Variants in CIMIP3 observed in about 807,000 individuals in gnomAD.
The protein encoded by CIMIP3 is ciliary microtubule inner protein 3.
At chr6:42,156,933 A>C in the CIMIP3 span, among the ~76,000 whole-genome samples, 1 of 152,234 alleles carries the variant, frequency 6.6e-6, no homozygotes, top group East Asian at 1.9e-4. Flanking sequence ...AATAAGGCAC[A>C]AGGCCTTCCC....
At chr6:42,155,505 C>G in the CIMIP3 span, 1 of 716,528 alleles carries the variant, frequency 1.4e-6, no homozygotes, top group East Asian at 2.7e-5. Context: ...AATCACAGGG[C>G]TGGGGAAGGT....
the CIMIP3 span, among the ~76,000 whole-genome samples, chr6:42,158,122 G>A: frequency 1.3e-5 from 2 of 152,166 alleles, no homozygotes; most frequent in African/African-American, 4.8e-5. Context: ...TACACAGTGT[G>A]CGCACACCCA....
At chr6:42,156,278 G>A in the CIMIP3 span, among the ~76,000 whole-genome samples, 2 of 151,064 alleles carry the variant, frequency 1.3e-5, no homozygotes, top group African/African-American at 2.4e-5. Flanking sequence ...TTACAGGCGT[G>A]AGCCACTGTG....
the CIMIP3 span, among the ~76,000 whole-genome samples, chr6:42,157,438 C>T: frequency 2.6e-5 from 4 of 151,962 alleles, no homozygotes; most frequent in African/African-American, 7.3e-5. Context: ...TTAGTAGAGA[C>T]GGGGTTTTGC....
chr6:42,162,495 T>C, the CIMIP3 span, among the ~76,000 whole-genome samples: 1 of 148,494 alleles, frequency 6.7e-6, no homozygotes, highest in Non-Finnish European at 1.5e-5. Context: ...CAGGAAGCCC[T>C]GGTGGAGGGC....
chr6:42,155,684 T>A, the CIMIP3 span: 2 of 713,372 alleles, frequency 2.8e-6, no homozygotes, highest in Non-Finnish European at 5.2e-6. Flanking sequence ...CTGCGATCTC[T>A]CTGGGGAGAT....
the CIMIP3 span, among the ~76,000 whole-genome samples, chr6:42,158,081 C>G: frequency 1.3e-5 from 2 of 151,442 alleles, no homozygotes; most frequent in African/African-American, 2.4e-5. Context: ...AAGAATCACC[C>G]CTGGCTGAGA....
At chr6:42,159,841 T>C in the CIMIP3 span, among the ~76,000 whole-genome samples, 2 of 152,250 alleles carry the variant, frequency 1.3e-5, no homozygotes, top group African/African-American at 4.8e-5. Context: ...CATGTGACCC[T>C]GGACAGGGGA....
chr6:42,163,226 A>G, the CIMIP3 span: 6 of 593,784 alleles, frequency 1.0e-5, 1 homozygote, highest in South Asian at 1.2e-4. Context: ...GCCTCCTGCC[A>G]ACTTGGTCTT....
At chr6:42,159,242 C>A in the CIMIP3 span, among the ~76,000 whole-genome samples, 17 of 152,082 alleles carry the variant, frequency 1.1e-4, no homozygotes, top group African/African-American at 4.1e-4. Context: ...TAGAAGCCAC[C>A]ACTGTAATTC....
At chr6:42,156,586 C>G in the CIMIP3 span, among the ~76,000 whole-genome samples, 1 of 152,216 alleles carries the variant, frequency 6.6e-6, no homozygotes, top group Non-Finnish European at 1.5e-5. Context: ...GAAACGTGCT[C>G]TCCTATAGGT....
the CIMIP3 span, among the ~76,000 whole-genome samples, chr6:42,161,141 T>C: frequency 2.6e-5 from 4 of 152,202 alleles, no homozygotes; most frequent in Non-Finnish European, 4.4e-5. Context: ...TGAGCTGAGA[T>C]TGCATCCTTG....
the CIMIP3 span, chr6:42,155,411 C>T: frequency 9.5e-6 from 6 of 634,322 alleles, no homozygotes; most frequent in South Asian, 1.1e-4. Context: ...CTCTCAGTAT[C>T]CTGCCAAGAG....
the CIMIP3 span, among the ~76,000 whole-genome samples, chr6:42,160,908 G>A: frequency 6.6e-6 from 1 of 152,256 alleles, no homozygotes; most frequent in Non-Finnish European, 1.5e-5. Context: ...CCCAGAGGAG[G>A]CCGGGTGAAG....
At chr6:42,160,440 G>A in the CIMIP3 span, among the ~76,000 whole-genome samples, 1 of 152,218 alleles carries the variant, frequency 6.6e-6, no homozygotes, top group Non-Finnish European at 1.5e-5. Context: ...CAGCACTGGG[G>A]TAGGCTCTAG....
chr6:42,157,655 G>A, the CIMIP3 span, among the ~76,000 whole-genome samples: 1 of 151,928 alleles, frequency 6.6e-6, no homozygotes. Context: ...CTCCCAAAGT[G>A]CTAGGATTAT....
chr6:42,162,943 C>A, the CIMIP3 span: 1 of 681,254 alleles, frequency 1.5e-6, no homozygotes, highest in Non-Finnish European at 2.7e-6. Context: ...CCTCTGTACC[C>A]AGTCATGGGC....
At chr6:42,157,638 C>T in the CIMIP3 span, among the ~76,000 whole-genome samples, 4 of 151,934 alleles carry the variant, frequency 2.6e-5, no homozygotes, top group African/African-American at 4.8e-5. Flanking sequence ...AATCCTCCTG[C>T]CTTGGCCTCC....
At chr6:42,159,752 A>G in the CIMIP3 span, among the ~76,000 whole-genome samples, 95,060 of 152,114 alleles carry the variant, frequency 0.62, 29,986 homozygotes, top group South Asian at 0.7. Flanking sequence ...CTCACATACC[A>G]CAGTGGGCAC....
Sources: allele counts gnomAD v4.1 joint callset (sites outside exome capture counted in the v4.1 genomes callset), GRCh38; gene constraint gnomAD v4.1.1; transcripts MANE v1.5; gene names NCBI Gene and HGNC (gene_info 2026-07-23, HGNC 2026-07-21).